The following ADCY2 variants were observed in gnomAD, a reference collection of about 807,000 sequenced individuals.
ADCY2 encodes the protein adenylate cyclase 2.
Under a neutral mutation model 125.2 loss-of-function variants are expected in ADCY2, and 31 were observed. The ratio of observed to expected loss-of-function variants is 0.25; its 90% confidence interval spans 0.19 to 0.33. The LOEUF (loss-of-function observed/expected upper bound fraction) is 0.33. Among genes scored for constraint, ADCY2 ranks in the 10% least tolerant of loss-of-function variants. The pLI, the probability that ADCY2 is intolerant of heterozygous loss-of-function variation, is 1.00. For missense variants in ADCY2, 904 were observed against 1,418.2 expected (o/e 0.64, Z 5.82); for synonymous variants, 512 against 548.4 (o/e 0.93, Z 0.93).
chr5:7,555,085 T>C (rs1327844945), intron 3 of ADCY2, among the ~76,000 whole-genome samples: 1 of 152,338 alleles, frequency 6.6e-6, no homozygotes, highest in Non-Finnish European at 1.5e-5. Context: ...ACTGAATTCA[T>C]CAATGTCCCT....
chr5:7,724,716 C>A, intron 13 of ADCY2, 102 bp downstream of exon 13: 1 of 811,134 alleles, frequency 1.2e-6, no homozygotes, highest in Non-Finnish European at 2.0e-6. Flanking sequence ...TTTAAACTGC[C>A]TCTGACTATA....
intron 2 of ADCY2, among the ~76,000 whole-genome samples, chr5:7,441,915 G>A (rs913664141): frequency 3.9e-5 from 6 of 152,110 alleles, no homozygotes; most frequent in South Asian, 2.1e-4. Context: ...CAGTGTGTCC[G>A]GTCCACCAGC....
chr5:7,801,616 A>T (rs1325264929), intron 20 of ADCY2: 1 of 152,246 alleles, frequency 6.6e-6, no homozygotes, highest in African/African-American at 2.4e-5. Context: ...AAGACACTGC[A>T]ATTTAACTCA....
At chr5:7,823,510 G>A (rs550717965) in intron 24 of ADCY2, among the ~76,000 whole-genome samples, 169 of 152,248 alleles carry the variant, frequency 1.1e-3, no homozygotes, top group African/African-American at 3.9e-3. Context: ...CAAGGCTTCC[G>A]GGACTTTCTG....
At chr5:7,738,416 A>T (rs1023995409) in intron 14 of ADCY2, among the ~76,000 whole-genome samples, 1 of 152,028 alleles carries the variant, frequency 6.6e-6, no homozygotes, top group Non-Finnish European at 1.5e-5. Flanking sequence ...TAATGGAAGA[A>T]CAGAAAAACA....
At chr5:7,410,328 CA>C (rs570925722) in intron 1 of ADCY2, among the ~76,000 whole-genome samples, 19 of 134,972 alleles carry the variant, frequency 1.4e-4, no homozygotes, top group Admixed American at 2.2e-4. Context: ...TAGTACTGTT[CA>C]AAAAAAAAAG....
chr5:7,807,415 T>C (rs1744789827), intron 22 of ADCY2, among the ~76,000 whole-genome samples: 1 of 152,178 alleles, frequency 6.6e-6, no homozygotes. Context: ...CACTTCCAGA[T>C]TCCAAAATTC....
rs537471088 is a variant in ADCY2, at chr5:7,651,086, AC to A, written c.720+24773del. ...TGATCAGTGGCAGGTACGCATCCCA[AC>A]CCAGGGGTCCTAATTTGAAACCCAG... On this transcript the variant is annotated intron_variant, in intron 4 of 24. Transcript: ENST00000338316. Among the ~76,000 whole-genome samples the A allele has an allele frequency of 7.9e-5, 12 of 152,188 alleles. No homozygotes were observed. In the South Asian group the frequency reaches 2.5e-3, roughly 32 times the overall value.
rs575582204 is a variant in ADCY2 at position 7,640,638 on chromosome 5, G to A, written c.720+14322G>A. ...GTTTCTCATGTAAATTAGCATTTAT[G>A]ACTACTGTCTTCTGCCTTTGGTAAC... On this transcript the variant is annotated intron_variant, in intron 4 of 24. Transcript: ENST00000338316. Among the ~76,000 whole-genome samples, 5 of 152,086 alleles carry A rather than the reference G, an allele frequency of 3.3e-5. No homozygotes were observed. In the East Asian group the frequency reaches 9.7e-4, roughly 29 times the overall value.
At chr5:7,791,308 C>T (rs1744242800) in intron 20 of ADCY2, among the ~76,000 whole-genome samples, 1 of 152,020 alleles carries the variant, frequency 6.6e-6, no homozygotes, top group South Asian at 2.1e-4. Context: ...AGTGCATGCG[C>T]AAAAGAGGTG....
At chr5:7,620,047 G>A (rs1382013489) in intron 3 of ADCY2, among the ~76,000 whole-genome samples, 1 of 152,152 alleles carries the variant, frequency 6.6e-6, no homozygotes, top group Non-Finnish European at 1.5e-5. Flanking sequence ...CTTTTAAAGA[G>A]TTGCTGGAGC....
intron 18 of ADCY2, among the ~76,000 whole-genome samples, chr5:7,777,243 C>A (rs919315732): frequency 6.6e-6 from 1 of 152,122 alleles, no homozygotes; most frequent in Non-Finnish European, 1.5e-5. Context: ...GCTTCTGTTG[C>A]CTGTTAACCC....
At chr5:7,495,368 A>G (rs1271210181) in intron 2 of ADCY2, among the ~76,000 whole-genome samples, 1 of 152,040 alleles carries the variant, frequency 6.6e-6, no homozygotes, top group Non-Finnish European at 1.5e-5. Flanking sequence ...TGTTTGGAAG[A>G]CTCTAGTCTG....
intron 1 of ADCY2, among the ~76,000 whole-genome samples, chr5:7,410,310 A>C (rs1272472271): frequency 6.6e-6 from 1 of 152,008 alleles, no homozygotes; most frequent in Admixed American, 6.6e-5. Context: ...TACCACCCTC[A>C]TACAAAATAG....
chr5:7,677,725 A>G (rs2126711165), intron 4 of ADCY2, among the ~76,000 whole-genome samples: 1 of 152,294 alleles, frequency 6.6e-6, no homozygotes, highest in South Asian at 2.1e-4. Flanking sequence ...CAAAACCAGG[A>G]GGACCCAGTA....
chr5:7,587,086 T>C (rs1235523805), intron 3 of ADCY2, among the ~76,000 whole-genome samples: 2 of 151,880 alleles, frequency 1.3e-5, no homozygotes, highest in African/African-American at 2.4e-5. Context: ...GTGTCTAGAG[T>C]TATAGACCCA....
intron 3 of ADCY2, among the ~76,000 whole-genome samples, chr5:7,526,230 G>T (rs552904700): frequency 5.6e-4 from 85 of 152,310 alleles, no homozygotes; most frequent in African/African-American, 1.9e-3. Flanking sequence ...TCCACTGCTG[G>T]TGCAGATGCT....
At chr5:7,693,421 T>TTTTTTTTTTTTTTTTTG (rs1740783419) in intron 5 of ADCY2, among the ~76,000 whole-genome samples, 1 of 120,614 alleles carries the variant, frequency 8.3e-6, no homozygotes. Flanking sequence ...TTGTTTTTTT[T>TTTTTTTTTTTTTTTTTG]TTTTTTTTTT....
At chr5:7,450,219 G>T (rs534794575) in intron 2 of ADCY2, among the ~76,000 whole-genome samples, 30 of 152,308 alleles carry the variant, frequency 2.0e-4, no homozygotes, top group South Asian at 6.2e-4. Flanking sequence ...TAGACCTCCT[G>T]CAGTAAACAG....
Sources: gnomAD v4.1 joint callset for allele counts (sites outside exome capture counted in the v4.1 genomes callset) on GRCh38, gnomAD v4.1.1 for gene constraint, MANE v1.5 for transcripts, NCBI Gene and HGNC (gene_info 2026-07-23, HGNC 2026-07-21) for gene names.